The following PLAGL1 variants were observed in gnomAD, a reference collection of about 807,000 sequenced individuals.
PLAGL1 encodes zinc finger protein PLAGL1.
Under a neutral mutation model 4.6 loss-of-function variants are expected in PLAGL1, and 1 was observed. The observed-to-expected ratio is 0.22, with a 90% CI of 0.08 to 1.03. The LOEUF is 1.03. PLAGL1 is among the 50% of genes least tolerant of loss of function. The pLI, the probability that PLAGL1 is intolerant of heterozygous loss-of-function variation, is 0.58. For synonymous variants in PLAGL1, 240 were observed against 237.8 expected, an observed-to-expected ratio of 1.01 and a Z score of -0.08; for missense variants, 464 against 570.4, an observed-to-expected ratio of 0.81 and a Z score of 1.90.
At chr6:144,018,671 T>C (rs1795735014) in intron 1 of PLAGL1, among the ~76,000 whole-genome samples, 1 of 152,186 alleles carries the variant, frequency 6.6e-6, no homozygotes, top group African/African-American at 2.4e-5. Flanking sequence ...AAAATAATTT[T>C]TTTAAAAGTG....
At chr6:144,031,709 G>A (rs925066701) in intron 1 of PLAGL1, among the ~76,000 whole-genome samples, 1 of 152,132 alleles carries the variant, frequency 6.6e-6, no homozygotes, top group African/African-American at 2.4e-5. Context: ...ATTGGTCTAT[G>A]TACCTATTTT....
At chr6:144,029,731 C>T (rs916794427) in intron 1 of PLAGL1, among the ~76,000 whole-genome samples, 1 of 152,258 alleles carries the variant, frequency 6.6e-6, no homozygotes, top group East Asian at 1.9e-4. Context: ...GGAAGGCAAC[C>T]TTATGGAAGT....
chr6:143,954,741 A>G lies in PLAGL1; in HGVS notation c.-325+5728T>C, dbSNP rs557351519. 6.6e-6 allele frequency among the ~76,000 whole-genome samples: 1 copy of G among 152,374 alleles called. No homozygotes were observed. Among genetic ancestry groups the G allele is most frequent in the East Asian group, 1.9e-4 (1 of 5,192 alleles). Reference sequence around the variant, plus strand: ...AAGTCATGGATAATACGATACAGTAAGACAATAAACTAATGAAAGGCATAA... The same window carrying G: ...AAGTCATGGATAATACGATACAGTAGGACAATAAACTAATGAAAGGCATAA... On this transcript the variant is annotated intron_variant, in intron 6 of 7. Transcript: ENST00000674357. The surrounding 1 kb of genome is among the most constrained non-coding windows in gnomAD (Gnocchi z 5.1).
At position 144,001,504 on chromosome 6, in the gene PLAGL1, G is replaced by T. The variant is rs1010198549; in HGVS notation, c.-584+6586C>A. 2.6e-5 allele frequency among the ~76,000 whole-genome samples: 4 copies of T among 152,142 alleles called. No individual in the cohort carries two copies. In the East Asian group the frequency reaches 7.7e-4, roughly 29 times the overall value. On this transcript the variant is annotated intron_variant, in intron 1 of 7. Coordinates refer to ENST00000674357, the MANE Select transcript of PLAGL1 (RefSeq NM_001317162.2). ...GATCCATTGAACACTAAAATTATTG[G>T]ACAAAACTTTAAAGAGAAATAGAAT...
Position 143,947,905 on chromosome 6 carries a change from C to T in PLAGL1, c.152+80G>A, listed in dbSNP as rs969076206. ...CATCCATATCCTGTGTCCCTTTCCC[C>T]TTGCATCGTGTGGTCTGAGGGCTAG... On this transcript the variant is annotated intron_variant, in intron 7 of 7. Transcript: ENST00000674357. This position sits in a 1 kb window ranked among gnomAD's most constrained non-coding sequence, Gnocchi z 4.3. The T allele has an allele frequency of 1.2e-5, 14 of 1,190,320 alleles. No homozygotes were observed. The African/African-American group carries it at 2.0e-4, about 17-fold the overall frequency. The allele number at this position is 1,190,320 out of a possible 1,614,324, so 73.7% of individuals were successfully genotyped here. A position where few individuals can be genotyped will look rare whatever the true frequency, so the allele number is the denominator to read the frequency against.
rs1302171838 is a variant in PLAGL1, at chr6:143,949,364, G to A, written c.-324-904C>T. On this transcript the variant is annotated intron_variant, in intron 6 of 7. Coordinates refer to ENST00000674357, the MANE Select transcript of PLAGL1 (RefSeq NM_001317162.2). The surrounding 1 kb of genome is among the most constrained non-coding windows in gnomAD (Gnocchi z 5.3). ...GGCCATCATTGGAGGAACCTGAAGT[G>A]TCTGAGCCTGCATCATGAACAATAC... Among the ~76,000 whole-genome samples the A allele has an allele frequency of 1.3e-5, 2 of 152,204 alleles. No homozygotes were observed. Among genetic ancestry groups the A allele is most frequent in the Non-Finnish European group, 2.9e-5 (2 of 68,032 alleles).
At position 143,957,895 on chromosome 6, in the gene PLAGL1, T is replaced by C. The variant is rs1015171332; in HGVS notation, c.-325+2574A>G. On this transcript the variant is annotated intron_variant, in intron 6 of 7. Transcript: ENST00000674357. This position sits in a 1 kb window ranked among gnomAD's most constrained non-coding sequence, Gnocchi z 4.2. ...TGGATTTATAGATGACCTCATTGTT[T>C]ATTTTTTGAATATCTGCACTTTCTA... Among the ~76,000 whole-genome samples, 18 of 152,248 alleles carry C rather than the reference T, an allele frequency of 1.2e-4. No individual in the cohort carries two copies. The highest frequency in any genetic ancestry group is 3.6e-4 in the African/African-American group (15 of 41,458).
At chr6:143,993,209 C>T (rs181314534) in intron 1 of PLAGL1, among the ~76,000 whole-genome samples, 1 of 151,800 alleles carries the variant, frequency 6.6e-6, no homozygotes, top group African/African-American at 2.4e-5. Context: ...GAGGCTGGGG[C>T]AGGAGAATTG....
rs1788755508 is a variant in PLAGL1 at position 143,985,264 on chromosome 6, G to A, written c.-583-90C>T. The A allele has an allele frequency of 6.6e-6, 1 of 152,144 alleles. No homozygotes were observed. Among genetic ancestry groups the A allele is most frequent in the African/African-American group, 2.4e-5 (1 of 41,436 alleles). 9.4% of individuals were successfully genotyped at this position (152,144 alleles called of 1,614,324 possible). A position where few individuals can be genotyped will look rare whatever the true frequency, so the allele number is the denominator to read the frequency against. ...TTTTGAGATCACTGTAGGTTCATATGCAATTTTAAAAGAGGCTTTACTCAG... is the reference window on the plus strand; with the variant it reads ...TTTTGAGATCACTGTAGGTTCATATACAATTTTAAAAGAGGCTTTACTCAG... On this transcript the variant is annotated intron_variant, in intron 1 of 7. Coordinates refer to ENST00000674357, the MANE Select transcript of PLAGL1 (RefSeq NM_001317162.2). The surrounding 1 kb of genome is among the most constrained non-coding windows in gnomAD (Gnocchi z 4.4).
Position 143,942,613 on chromosome 6 carries a change from T to G in PLAGL1, c.203A>C (p.Glu68Ala). The change falls in exon 8 of 8, where the codon GAG becomes GCG. Residue 68 changes from glutamate to alanine, a missense_variant. Around this residue, in one of 4 missense-constraint regions of PLAGL1, gnomAD observed 161 missense variants for 196.7 expected, o/e 0.82. Coordinates refer to ENST00000674357, the MANE Select transcript of PLAGL1 (RefSeq NM_001317162.2). This position sits in a 1 kb window ranked among gnomAD's most constrained non-coding sequence, Gnocchi z 7.6. ...PQKSHQCAHC[E>A]KTFNRKDHLK... ...GTGGTCTTTCCGGTTGAACGTCTTC[T>G]CACAGTGAGCACACTGGTGAGATTT... 1.9e-6 allele frequency: 3 copies of G among 1,614,072 alleles called. No individual in the cohort carries two copies. The highest frequency in any genetic ancestry group is 2.5e-6 in the Non-Finnish European group (3 of 1,179,986).
At chr6:144,035,420 G>A (rs528509018) in intron 1 of PLAGL1, among the ~76,000 whole-genome samples, 7 of 152,336 alleles carry the variant, frequency 4.6e-5, no homozygotes, top group African/African-American at 1.4e-4. Context: ...CATCTAGCAC[G>A]GGAGAAAGAT....
At chr6:143,977,940 T>G (rs1328672212) in intron 2 of PLAGL1, among the ~76,000 whole-genome samples, 1 of 152,206 alleles carries the variant, frequency 6.6e-6, no homozygotes, top group Non-Finnish European at 1.5e-5. Context: ...TAGTCTATTT[T>G]ATCTAATTTA....
rs1426050287 is a variant in PLAGL1, at chr6:143,969,580, T to A, written c.-543-602A>T. Among the ~76,000 whole-genome samples the A allele has an allele frequency of 5.9e-5, 9 of 151,592 alleles. No homozygotes were observed. The South Asian group carries it at 1.9e-3, about 32-fold the overall frequency. ...CAAGAGGAATGCTTGAGGGCAGGAG[T>A]TTGAGACCAGCCTGGGCAACATAGC... On this transcript the variant is annotated intron_variant, in intron 2 of 7. Transcript: ENST00000674357.
At chr6:144,030,047 A>T (rs1180407321) in intron 1 of PLAGL1, among the ~76,000 whole-genome samples, 1 of 151,980 alleles carries the variant, frequency 6.6e-6, no homozygotes, top group Non-Finnish European at 1.5e-5. Context: ...AGGTCAGGAG[A>T]TCGAGACCAT....
At position 143,941,856 on chromosome 6, in the gene PLAGL1, T is replaced by C; in HGVS notation, c.960A>G (p.Ala320=). The C allele has an allele frequency of 1.2e-6, 2 of 1,614,180 alleles. No homozygotes were observed. The highest frequency in any genetic ancestry group is 1.7e-4 in the Middle Eastern group (1 of 6,060). ...TGATATTGCAAAAACCTTTAGTATC[T>C]GCTTTGAGGGGCAGGCTTGCAAGTG... The part of the protein sequence containing the change: ...YSPLASLPLK[A]DTKGFCNISL... Residue 320 remains alanine (A), a synonymous_variant, in exon 8 of 8, where the codon GCA becomes GCG. Coordinates refer to ENST00000674357, the MANE Select transcript of PLAGL1 (RefSeq NM_001317162.2). This position sits in a 1 kb window ranked among gnomAD's most constrained non-coding sequence, Gnocchi z 6.0.
At position 143,959,923 on chromosome 6, in the gene PLAGL1, A is replaced by G. The variant is rs1783008737; in HGVS notation, c.-325+546T>C. 6.6e-6 allele frequency among the ~76,000 whole-genome samples: 1 copy of G among 152,250 alleles called. No individual in the cohort carries two copies. Among genetic ancestry groups the G allele is most frequent in the South Asian group, 2.1e-4 (1 of 4,834 alleles). On this transcript the variant is annotated intron_variant, in intron 6 of 7. Transcript: ENST00000674357. The surrounding 1 kb of genome is among the most constrained non-coding windows in gnomAD (Gnocchi z 5.3). ...CAACCTACGCTTTGCCATCCCTTCT[A>G]GCCACACTGTCTACATGAGCAGTGA... is the stretch of plus-strand genomic sequence containing the variant.
At chr6:143,956,455 C>G (rs1354979042) in intron 6 of PLAGL1, among the ~76,000 whole-genome samples, 1 of 152,060 alleles carries the variant, frequency 6.6e-6, no homozygotes, top group Non-Finnish European at 1.5e-5. Flanking sequence ...TAAAAATGAG[C>G]AAAATGAGAA....
At chr6:144,025,299 T>C (rs943370422) in intron 1 of PLAGL1, among the ~76,000 whole-genome samples, 1 of 152,118 alleles carries the variant, frequency 6.6e-6, no homozygotes, top group Non-Finnish European at 1.5e-5. Flanking sequence ...AAGGAAAATG[T>C]GAGAGACTGT....
chr6:143,956,558 C>A (rs1341917703), intron 6 of PLAGL1, among the ~76,000 whole-genome samples: 1 of 151,958 alleles, frequency 6.6e-6, no homozygotes, highest in Non-Finnish European at 1.5e-5. Flanking sequence ...ACAAACAAAC[C>A]CAAAACAAAA....
Sources: allele counts gnomAD v4.1 joint callset (sites outside exome capture counted in the v4.1 genomes callset), GRCh38; gene constraint gnomAD v4.1.1; regional missense constraint gnomAD v4.1.1; non-coding constraint Gnocchi (gnomAD v3.1); transcripts MANE v1.5; gene names NCBI Gene and HGNC (gene_info 2026-07-23, HGNC 2026-07-21).